Variants in ANKS1B observed in about 807,000 individuals in gnomAD.
ANKS1B encodes ankyrin repeat and sterile alpha motif domain-containing protein 1B.
A neutral mutation model predicts 148.3 loss-of-function variants in ANKS1B; 36 were observed. The ratio of observed to expected loss-of-function variants is 0.24; its 90% CI spans 0.19 to 0.32. The LOEUF is 0.32. Among genes scored for constraint, ANKS1B ranks in the 10% least tolerant of loss-of-function variants. The probability of loss-of-function intolerance (pLI) is 1.00; values close to 1 mark genes in which losing one functional copy is unlikely to be tolerated. For synonymous variants in ANKS1B, 542 were observed against 560.8 expected, an observed-to-expected ratio of 0.97 and a Z score of 0.47; for missense variants, 1,157 against 1,542.6, an observed-to-expected ratio of 0.75 and a Z score of 4.19.
intron 14 of ANKS1B, among the ~76,000 whole-genome samples, chr12:99,157,002 T>C (rs572268989): frequency 6.6e-6 from 1 of 152,352 alleles, no homozygotes; most frequent in African/African-American, 2.4e-5. Context: ...ACAGATTTTT[T>C]CATGTCTGTC....
chr12:99,013,793 A>G (rs2099940834), intron 17 of ANKS1B, among the ~76,000 whole-genome samples: 1 of 151,876 alleles, frequency 6.6e-6, no homozygotes, highest in Non-Finnish European at 1.5e-5. Flanking sequence ...CTAGGAATAC[A>G]GCTATGTAGG....
chr12:99,824,858 T>C (rs2082976450), intron 2 of ANKS1B, among the ~76,000 whole-genome samples: 1 of 152,180 alleles, frequency 6.6e-6, no homozygotes, highest in African/African-American at 2.4e-5. Flanking sequence ...TAAAACATTT[T>C]AGCTAAATAA....
chr12:99,668,979 C>A (rs1323177631), intron 8 of ANKS1B, among the ~76,000 whole-genome samples: 1 of 151,950 alleles, frequency 6.6e-6, no homozygotes, highest in Non-Finnish European at 1.5e-5. Flanking sequence ...CTAGATGTTT[C>A]CTTTGAACTC....
chr12:99,184,639 T>G (rs1253388009), intron 14 of ANKS1B, among the ~76,000 whole-genome samples: 1 of 152,218 alleles, frequency 6.6e-6, no homozygotes, highest in Non-Finnish European at 1.5e-5. Context: ...ATGTTGTTAA[T>G]TTTTGGAGTT....
Position 99,806,665 on chromosome 12 carries a change from A to G in ANKS1B, c.408T>C (p.Ala136=). ...NENETALHCA[A]QYGHSEVVAV... ...CAACTACTTCTGAGTGTCCATATTG[A>G]GCTGCACAGTGTAGGGCAGTTTCAT... is the stretch of plus-strand genomic sequence containing the variant. Residue 136 remains alanine (A), a synonymous_variant, in exon 4 of 27, where the codon GCT becomes GCC. Coordinates refer to ENST00000683438, the MANE Select transcript of ANKS1B (RefSeq NM_001352186.2). 1 of 1,613,794 alleles carries G rather than the reference A, an allele frequency of 6.2e-7. No homozygotes were observed. Among genetic ancestry groups the G allele is most frequent in the East Asian group, 2.2e-5 (1 of 44,892 alleles).
intron 17 of ANKS1B, among the ~76,000 whole-genome samples, chr12:98,867,647 T>C (rs2099631612): frequency 6.6e-6 from 1 of 151,944 alleles, no homozygotes; most frequent in Non-Finnish European, 1.5e-5. Flanking sequence ...GATCACGAGA[T>C]CAGGAGATCA....
intron 9 of ANKS1B, among the ~76,000 whole-genome samples, chr12:99,547,772 A>G (rs945803672): frequency 5.3e-5 from 8 of 152,192 alleles, no homozygotes; most frequent in African/African-American, 1.2e-4. Flanking sequence ...CATTGTTCAA[A>G]TAGTCTAAAA....
chr12:99,105,768 C>CAA (rs11349848), intron 15 of ANKS1B, among the ~76,000 whole-genome samples: 1,055 of 82,852 alleles, frequency 0.013, 22 homozygotes, highest in African/African-American at 0.048. Context: ...GACTCTGTCT[C>CAA]AAAAAAAAAA....
intron 17 of ANKS1B, among the ~76,000 whole-genome samples, chr12:98,855,899 C>T (rs1000442923): frequency 4.6e-5 from 7 of 152,122 alleles, no homozygotes; most frequent in African/African-American, 1.7e-4. Context: ...TCCTTAACTA[C>T]GGAGAGTGTC....
chr12:99,457,443 T>G (rs1366625943), intron 10 of ANKS1B, among the ~76,000 whole-genome samples: 2 of 151,906 alleles, frequency 1.3e-5, no homozygotes, highest in Non-Finnish European at 2.9e-5. Context: ...TAACATTGAA[T>G]GTAAATGGCC....
At chr12:99,108,703 C>T (rs1245202637) in intron 15 of ANKS1B, among the ~76,000 whole-genome samples, 1 of 151,214 alleles carries the variant, frequency 6.6e-6, no homozygotes, top group Admixed American at 6.6e-5. Flanking sequence ...AAATGGTTGC[C>T]GAGAAAAAGT....
At chr12:99,543,769 C>T (rs10860462) in intron 9 of ANKS1B, among the ~76,000 whole-genome samples, 65,785 of 151,832 alleles carry the variant, frequency 0.43, 14,472 homozygotes, top group East Asian at 0.55. Context: ...CCACATATTA[C>T]ACGATTTCAT....
chr12:99,340,617 T>A (rs2089752086), intron 12 of ANKS1B, among the ~76,000 whole-genome samples: 1 of 152,048 alleles, frequency 6.6e-6, no homozygotes, highest in Admixed American at 6.6e-5. Context: ...CTACTTGATC[T>A]GCAATGCCAA....
chr12:98,842,527 C>T (rs2099412931), intron 17 of ANKS1B, among the ~76,000 whole-genome samples: 1 of 152,144 alleles, frequency 6.6e-6, no homozygotes, highest in Non-Finnish European at 1.5e-5. Flanking sequence ...TATAGGTTTA[C>T]TGAAATTTAC....
At chr12:98,736,475 G>A (rs536440350) in intron 9 of ANKS1B, among the ~76,000 whole-genome samples, 81 of 152,274 alleles carry the variant, frequency 5.3e-4, no homozygotes, top group African/African-American at 1.9e-3. Flanking sequence ...TTGCGGACGC[G>A]GTAAGTTTGA....
chr12:98,810,204 C>G (rs1007458215), intron 19 of ANKS1B, among the ~76,000 whole-genome samples: 1 of 152,208 alleles, frequency 6.6e-6, no homozygotes, highest in Non-Finnish European at 1.5e-5. Flanking sequence ...AGATTACTAA[C>G]CATGGACTAG....
At chr12:99,350,118 T>C (rs557451827) in intron 12 of ANKS1B, among the ~76,000 whole-genome samples, 21 of 151,966 alleles carry the variant, frequency 1.4e-4, no homozygotes, top group Non-Finnish European at 2.1e-4. Context: ...GTTCTCATGA[T>C]AGTAAGTGAG....
At chr12:99,645,459 A>G (rs1459474615) in intron 9 of ANKS1B, among the ~76,000 whole-genome samples, 1 of 152,174 alleles carries the variant, frequency 6.6e-6, no homozygotes, top group Non-Finnish European at 1.5e-5. Context: ...ACAAAACCGT[A>G]ACTATTCTGG....
At chr12:99,554,500 G>A (rs2097256397) in intron 9 of ANKS1B, among the ~76,000 whole-genome samples, 1 of 152,124 alleles carries the variant, frequency 6.6e-6, no homozygotes, top group Admixed American at 6.6e-5. Context: ...TGAATAAGAA[G>A]ATAATATACA....
Sources: allele counts gnomAD v4.1 joint callset (sites outside exome capture counted in the v4.1 genomes callset), GRCh38; gene constraint gnomAD v4.1.1; transcripts MANE v1.5; gene names NCBI Gene and HGNC (gene_info 2026-07-23, HGNC 2026-07-21).